Variants in KCNK2 observed in about 807,000 individuals in gnomAD.
KCNK2 encodes potassium channel subfamily K member 2.
In KCNK2, 21 loss-of-function variants were observed where a neutral mutation model predicts 40.5. The ratio of observed to expected loss-of-function variants is 0.52; its 90% CI spans 0.37 to 0.75. KCNK2 has a LOEUF of 0.75. KCNK2 is among the 30% of genes least tolerant of loss of function. The pLI is 0.00. For synonymous variants in KCNK2, 191 were observed against 202.2 expected (o/e 0.94, Z 0.47); for missense variants, 399 against 531.6 (o/e 0.75, Z 2.45).
intron 2 of KCNK2, 54 bp from the exon 3 acceptor site, chr1:215,124,579 T>G (rs988414413): frequency 1.0e-6 from 1 of 1,000,418 alleles, no homozygotes; most frequent in African/African-American, 1.6e-5. Flanking sequence ...TATATGCTGT[T>G]TGATGCCTCT....
intron 3 of KCNK2, among the ~76,000 whole-genome samples, chr1:215,144,028 T>C (rs968192942): frequency 6.6e-6 from 1 of 152,150 alleles, no homozygotes; most frequent in Non-Finnish European, 1.5e-5. Flanking sequence ...CTTGTAAATA[T>C]TGAATTAAGT....
chr1:215,175,851 A>G (rs1488785455), intron 5 of KCNK2, among the ~76,000 whole-genome samples: 1 of 152,096 alleles, frequency 6.6e-6, no homozygotes, highest in African/African-American at 2.4e-5. Context: ...TATGACTGCA[A>G]AGTATTCCGT....
Position 215,015,608 on chromosome 1 carries a change from G to T in KCNK2, c.34+9653G>T, listed in dbSNP as rs1349672. 4.2e-3 allele frequency among the ~76,000 whole-genome samples: 645 copies of T among 152,112 alleles called. 1 individual carries two copies. Among genetic ancestry groups the T allele is most frequent in the Middle Eastern group, 0.024 (7 of 294 alleles). On this transcript the variant is annotated intron_variant, in intron 1 of 6. Coordinates refer to the KCNK2 transcript ENST00000391895. ...TGTTAAAAATCTCAGTGACAGAGAC[G>T]TGTGCTCCCAGCATCATTTTGCCCA... is the stretch of plus-strand genomic sequence containing the variant.
chr1:215,119,330 C>CATTTACA (rs1326798502), intron 2 of KCNK2, among the ~76,000 whole-genome samples: 1 of 152,154 alleles, frequency 6.6e-6, no homozygotes. Context: ...ATTGAGACAG[C>CATTTACA]ATTTACAATT....
intron 3 of KCNK2, among the ~76,000 whole-genome samples, chr1:215,152,314 C>T (rs1344065608): frequency 6.6e-6 from 1 of 152,122 alleles, no homozygotes; most frequent in African/African-American, 2.4e-5. Flanking sequence ...AAATGCACCA[C>T]AACTGATAGT....
intron 1 of KCNK2, among the ~76,000 whole-genome samples, chr1:215,044,826 TGC>T (rs59432481): frequency 0.38 from 53,372 of 140,320 alleles, 10,716 homozygotes; most frequent in Non-Finnish European, 0.47. Flanking sequence ...TGTGTGTGTG[TGC>T]GCGCGCACAC....
At chr1:215,129,915 G>A (rs1661594708) in intron 3 of KCNK2, among the ~76,000 whole-genome samples, 1 of 152,168 alleles carries the variant, frequency 6.6e-6, no homozygotes, top group Admixed American at 6.5e-5. Flanking sequence ...AAATATATTT[G>A]GTCTTTGACC....
upstream of KCNK2, among the ~76,000 whole-genome samples, chr1:215,079,993 C>T (rs1374369999): frequency 6.6e-6 from 1 of 152,102 alleles, no homozygotes; most frequent in Non-Finnish European, 1.5e-5. Context: ...ACTTCTCCCC[C>T]AACCCCCAAG....
chr1:215,101,569 C>A (rs1660220334), intron 2 of KCNK2, among the ~76,000 whole-genome samples: 1 of 151,802 alleles, frequency 6.6e-6, no homozygotes, highest in South Asian at 2.1e-4. Context: ...CCTGGTAGGA[C>A]AAGTGGTCTG....
chr1:215,059,760 A>T (rs1457082421), intron 1 of KCNK2, among the ~76,000 whole-genome samples: 1 of 152,192 alleles, frequency 6.6e-6, no homozygotes, highest in Non-Finnish European at 1.5e-5. Flanking sequence ...AGACAAGGGG[A>T]GAAAGATAGA....
At chr1:215,018,926 G>C (rs906622977) in intron 1 of KCNK2, among the ~76,000 whole-genome samples, 2 of 152,068 alleles carry the variant, frequency 1.3e-5, no homozygotes, top group African/African-American at 4.8e-5. Context: ...GCCACTGCAG[G>C]TGAGAGATGA....
At chr1:215,132,273 A>G (rs1661710482) in intron 3 of KCNK2, among the ~76,000 whole-genome samples, 2 of 152,208 alleles carry the variant, frequency 1.3e-5, no homozygotes, top group Non-Finnish European at 2.9e-5. Flanking sequence ...TTGGAAATGA[A>G]TGGACCTGAA....
intron 5 of KCNK2, among the ~76,000 whole-genome samples, chr1:215,191,438 T>C (rs1220570537): frequency 6.6e-6 from 1 of 152,080 alleles, no homozygotes; most frequent in African/African-American, 2.4e-5. Context: ...AAACCTGCTT[T>C]GTGGAGATAA....
intron 1 of KCNK2, among the ~76,000 whole-genome samples, chr1:215,033,694 A>G (rs2841584): frequency 0.85 from 129,284 of 152,100 alleles, 55,233 homozygotes; most frequent in East Asian, 0.99. Context: ...CTCTTCTTCC[A>G]TGTGGAAGGA....
intron 2 of KCNK2, among the ~76,000 whole-genome samples, chr1:215,093,268 C>T (rs1659770082): frequency 6.7e-6 from 1 of 149,174 alleles, no homozygotes; most frequent in Admixed American, 6.9e-5. Context: ...TGCTGCCAGA[C>T]CTCCAAAGGT....
At chr1:215,007,027 A>ATG (rs1398954474) in intron 1 of KCNK2, among the ~76,000 whole-genome samples, 11 of 56,152 alleles carry the variant, frequency 2.0e-4, no homozygotes, top group Non-Finnish European at 4.6e-4. Flanking sequence ...ATATATATAT[A>ATG]TATATATATA....
At chr1:215,024,192 T>A (rs1016824435) in intron 1 of KCNK2, among the ~76,000 whole-genome samples, 1 of 152,210 alleles carries the variant, frequency 6.6e-6, no homozygotes, top group Non-Finnish European at 1.5e-5. Context: ...TCACTGGAAC[T>A]ACCAGATGTT....
chr1:215,082,290 T>A (rs1040163139), upstream of KCNK2: 1 of 152,182 alleles, frequency 6.6e-6, no homozygotes, highest in Non-Finnish European at 1.5e-5. Context: ...GGGTCTTCAT[T>A]ACCTCCCCTA....
At chr1:215,085,043 G>A (rs1228921707) in intron 1 of KCNK2, among the ~76,000 whole-genome samples, 1 of 152,144 alleles carries the variant, frequency 6.6e-6, no homozygotes, top group Non-Finnish European at 1.5e-5. Context: ...TAGGTAAGAG[G>A]GCAGGGTAGG....
Sources: gnomAD v4.1 joint callset for allele counts (sites outside exome capture counted in the v4.1 genomes callset) on GRCh38, gnomAD v4.1.1 for gene constraint, MANE v1.5 for transcripts, NCBI Gene and HGNC (gene_info 2026-07-23, HGNC 2026-07-21) for gene names.